The following ARHGAP32 variants were observed in gnomAD, a reference collection of about 807,000 sequenced individuals.
ARHGAP32 encodes Rho GTPase activating protein 32.
A neutral mutation model predicts 186.5 loss-of-function variants in ARHGAP32; 51 were observed. That is an observed-to-expected ratio of 0.27 (90% CI 0.22 to 0.35). The LOEUF is 0.35. ARHGAP32 is among the 10% of genes least tolerant of loss of function. The pLI is 1.00. For missense variants in ARHGAP32, 2,186 were observed against 2,623.5 expected (o/e 0.83, Z 3.64); for synonymous variants, 950 against 964.3 (o/e 0.99, Z 0.27).
intron 10 of ARHGAP32, among the ~76,000 whole-genome samples, chr11:129,050,919 G>T (rs893301260): frequency 5.3e-5 from 8 of 152,168 alleles, no homozygotes; most frequent in African/African-American, 1.9e-4. Flanking sequence ...GTGTTAGTTT[G>T]CTGAGAATGA....
In ARHGAP32 at chr11:128,968,475, A is replaced by C. The variant is rs573884614; in HGVS notation, c.*432T>G. 270 of 153,096 alleles carry C rather than the reference A, an allele frequency of 1.8e-3. 1 individual carries two copies. The highest frequency in any genetic ancestry group is 3.2e-3 in the Non-Finnish European group (217 of 68,586). The allele number at this position is 153,096 out of a possible 1,614,324, so 9.5% of individuals were successfully genotyped here. Reference sequence around the variant, plus strand: ...GCAAGTTGTGCAGCTACTGAAGGAGAAGCAGGAACACAACAGGGAATGCAG... The same window carrying C: ...GCAAGTTGTGCAGCTACTGAAGGAGCAGCAGGAACACAACAGGGAATGCAG... On this transcript the variant is annotated 3_prime_UTR_variant, in exon 23 of 23. Coordinates refer to ENST00000682385, the MANE Select transcript of ARHGAP32 (RefSeq NM_001378024.1).
chr11:129,162,039 C>T (rs546990773), intron 2 of ARHGAP32, among the ~76,000 whole-genome samples: 93 of 152,114 alleles, frequency 6.1e-4, no homozygotes, highest in Non-Finnish European at 1.0e-3. Context: ...AGCAAACTAA[C>T]ACAGGAACAG....
intron 12 of ARHGAP32, among the ~76,000 whole-genome samples, chr11:128,989,529 C>A (rs1945978354): frequency 6.6e-6 from 1 of 150,898 alleles, no homozygotes; most frequent in Non-Finnish European, 1.5e-5. Flanking sequence ...CACACACACA[C>A]ACACACACAC....
intron 1 of ARHGAP32, among the ~76,000 whole-genome samples, chr11:129,213,458 AAC>A (rs534164768): frequency 6.6e-6 from 1 of 152,194 alleles, no homozygotes; most frequent in Non-Finnish European, 1.5e-5. Context: ...GCAGGTGCGT[AAC>A]AGTAATGGAG....
Position 129,178,553 on chromosome 11 carries a change from C to A in ARHGAP32, c.116+13530G>T, listed in dbSNP as rs191048522. On this transcript the variant is annotated intron_variant, in intron 1 of 22. Transcript: ENST00000682385. ...CCTGACTTCAAACTATACTACAAGG[C>A]TACAGTAACCAAAACAGCATGGTAC... Among the ~76,000 whole-genome samples the A allele has an allele frequency of 5.5e-3, 837 of 152,162 alleles. 9 individuals carry two copies. The highest frequency in any genetic ancestry group is 0.019 in the African/African-American group (800 of 41,508).
intron 10 of ARHGAP32, among the ~76,000 whole-genome samples, chr11:129,046,189 G>T (rs1278897411): frequency 4.6e-5 from 7 of 152,062 alleles, no homozygotes; most frequent in African/African-American, 1.4e-4. Flanking sequence ...AGAAGCAGAA[G>T]GGCACTCAGT....
Position 128,968,903 on chromosome 11 carries a change from G to T in ARHGAP32, c.*4C>A. The T allele has an allele frequency of 6.7e-7, 1 of 1,489,004 alleles. No homozygotes were observed. Among genetic ancestry groups the T allele is most frequent in the Non-Finnish European group, 9.0e-7 (1 of 1,115,020 alleles). The allele number at this position is 1,489,004 out of a possible 1,614,324, so 92.2% of individuals were successfully genotyped here. A position where few individuals can be genotyped will look rare whatever the true frequency, so the allele number is the denominator to read the frequency against. On this transcript the variant is annotated 3_prime_UTR_variant, in exon 23 of 23. Coordinates refer to ENST00000682385, the MANE Select transcript of ARHGAP32 (RefSeq NM_001378024.1). ...GGCTGCTTCAACTCTATTGCTCGCA[G>T]GGCTCATTCTGCATGGATCTGTGTT...
At chr11:129,135,015 C>T (rs1036103131) in intron 2 of ARHGAP32, among the ~76,000 whole-genome samples, 1 of 152,160 alleles carries the variant, frequency 6.6e-6, no homozygotes, top group South Asian at 2.1e-4. Flanking sequence ...CAGAACTCTA[C>T]ACTAAAAACT....
At chr11:128,980,466 A>C in intron 18 of ARHGAP32, 87 bp downstream of exon 18, 1 of 1,118,344 alleles carries the variant, frequency 8.9e-7, no homozygotes, top group Non-Finnish European at 1.3e-6. Flanking sequence ...AGTAATACTA[A>C]AATACAAAAT....
intron 1 of ARHGAP32, among the ~76,000 whole-genome samples, chr11:129,251,027 T>A (rs1488428651): frequency 2.0e-5 from 3 of 152,188 alleles, no homozygotes. Context: ...TTGGCTTAAA[T>A]CAAGAAAATA....
At chr11:129,001,159 C>A (rs1252365262) in intron 11 of ARHGAP32, among the ~76,000 whole-genome samples, 1 of 152,160 alleles carries the variant, frequency 6.6e-6, no homozygotes, top group Non-Finnish European at 1.5e-5. Context: ...AGTAGGACTG[C>A]TGTATTGTAT....
At chr11:129,098,949 A>G (rs536494373) in intron 5 of ARHGAP32, among the ~76,000 whole-genome samples, 1 of 152,222 alleles carries the variant, frequency 6.6e-6, no homozygotes, top group South Asian at 2.1e-4. Flanking sequence ...TGGCAACCAC[A>G]AAAAGATAGC....
chr11:129,129,482 C>T (rs995167222), intron 2 of ARHGAP32, among the ~76,000 whole-genome samples: 1 of 152,118 alleles, frequency 6.6e-6, no homozygotes, highest in Non-Finnish European at 1.5e-5. Context: ...CCGGCCGCCC[C>T]GTCTGGGAAG....
rs1174730151 is a variant in ARHGAP32, at chr11:129,011,781, G to A, written c.1046-13313C>T. 2.0e-5 allele frequency among the ~76,000 whole-genome samples: 3 copies of A among 152,000 alleles called. No homozygotes were observed. In the South Asian group the frequency reaches 6.2e-4, roughly 32 times the overall value. ...TGGCTTTTTTTTTATTTTTAAGGAG[G>A]ATCTCTACCTACTGATAGGGAGTAA... is the stretch of plus-strand genomic sequence containing the variant. On this transcript the variant is annotated intron_variant, in intron 11 of 22. Coordinates refer to ENST00000682385, the MANE Select transcript of ARHGAP32 (RefSeq NM_001378024.1).
At chr11:129,278,128 G>C (rs1015756348) in intron 1 of ARHGAP32, among the ~76,000 whole-genome samples, 2 of 152,146 alleles carry the variant, frequency 1.3e-5, no homozygotes, top group Non-Finnish European at 2.9e-5. Flanking sequence ...TATCAGAAAA[G>C]TTATCCCCAT....
At chr11:129,065,063 A>T (rs1940640470) in intron 7 of ARHGAP32, 130 bp from the exon 8 acceptor site, 3 of 669,486 alleles carry the variant, frequency 4.5e-6, no homozygotes, top group Middle Eastern at 5.9e-4. Context: ...AGGACTCTTC[A>T]CAGAAACTTA....
At chr11:128,998,694 G>A (rs1287198383) in intron 11 of ARHGAP32, among the ~76,000 whole-genome samples, 4 of 152,222 alleles carry the variant, frequency 2.6e-5, no homozygotes, top group Non-Finnish European at 5.9e-5. Flanking sequence ...GACCTTGAAT[G>A]GAGGGACTGG....
intron 11 of ARHGAP32, among the ~76,000 whole-genome samples, chr11:129,019,055 G>A (rs1230920453): frequency 6.6e-6 from 1 of 152,086 alleles, no homozygotes; most frequent in East Asian, 1.9e-4. Flanking sequence ...GAGTAAAGGG[G>A]TTTCTTGCAA....
rs761308907 is a variant in ARHGAP32 at position 128,998,432 on chromosome 11, C to T, written c.1082G>A (p.Arg361Gln). ...TGTTGGACGAGACTTCATGAATGTT[C>T]GTAAGAACGTAATGAGCTTGCCGTG... ...KKHGKLITFL[R>Q]TFMKSRPTKQ... is the part of the protein sequence containing the mutation. The change falls in exon 12 of 23, where the codon CGA becomes CAA. Residue 361 changes from arginine (R) to glutamine (Q), a missense_variant. Arg to Gln is a conservative substitution (Grantham distance 43). Around this residue, in one of 5 missense-constraint regions of ARHGAP32, gnomAD observed 308 missense variants for 596.5 expected, o/e 0.52. Transcript: ENST00000682385. The T allele has an allele frequency of 6.9e-6, 11 of 1,586,554 alleles. No homozygotes were observed. Among genetic ancestry groups the T allele is most frequent in the East Asian group, 2.3e-5 (1 of 44,260 alleles).
Sources: gnomAD v4.1 joint callset for allele counts (sites outside exome capture counted in the v4.1 genomes callset) on GRCh38, gnomAD v4.1.1 for gene constraint, gnomAD v4.1.1 regional missense constraint, MANE v1.5 for transcripts, NCBI Gene and HGNC (gene_info 2026-07-23, HGNC 2026-07-21) for gene names.